Variants in NAV2 observed in about 807,000 individuals in gnomAD.
NAV2 encodes helicase, APC down-regulated 1.
Under a neutral mutation model 223.2 loss-of-function variants are expected in NAV2, and 54 were observed. The ratio of observed to expected loss-of-function variants is 0.24; its 90% CI spans 0.19 to 0.30. NAV2 has a LOEUF of 0.30. NAV2 is among the 10% of genes least tolerant of loss of function. The pLI is 1.00. For synonymous variants in NAV2, 1,279 were observed against 1,239.3 expected (o/e 1.03, Z -0.67); for missense variants, 2,806 against 3,147.5 (o/e 0.89, Z 2.60).
At chr11:19,937,283 A>C (rs1022412330) in intron 7 of NAV2, among the ~76,000 whole-genome samples, 3 of 152,052 alleles carry the variant, frequency 2.0e-5, no homozygotes, top group Non-Finnish European at 4.4e-5. Context: ...AAAATGGTTT[A>C]TTCTCCTTTT....
At chr11:19,466,165 C>A (rs555100226) in intron 1 of NAV2, among the ~76,000 whole-genome samples, 19 of 152,312 alleles carry the variant, frequency 1.2e-4, no homozygotes, top group African/African-American at 4.3e-4. Context: ...GATGGGAAGA[C>A]AGGCAGCATT....
At chr11:19,651,422 A>G (rs1242717902) in intron 1 of NAV2, among the ~76,000 whole-genome samples, 2 of 152,202 alleles carry the variant, frequency 1.3e-5, no homozygotes, top group Non-Finnish European at 2.9e-5. Flanking sequence ...ATGCACATGA[A>G]ACATATAATG....
chr11:19,714,917 G>A (rs974620621), intron 1 of NAV2, among the ~76,000 whole-genome samples: 1 of 152,182 alleles, frequency 6.6e-6, no homozygotes, highest in Admixed American at 6.5e-5. Context: ...GACTTTTGGG[G>A]ACAGGCCGAC....
intron 10 of NAV2, among the ~76,000 whole-genome samples, chr11:19,968,185 T>A (rs1312080913): frequency 2.0e-5 from 3 of 151,962 alleles, no homozygotes; most frequent in Non-Finnish European, 4.4e-5. Flanking sequence ...TTGTTGTTGA[T>A]GTAGTTTTGT....
At chr11:19,968,586 C>T (rs1388567184) in intron 10 of NAV2, among the ~76,000 whole-genome samples, 3 of 152,146 alleles carry the variant, frequency 2.0e-5, no homozygotes, top group Non-Finnish European at 4.4e-5. Flanking sequence ...TATGCAGATC[C>T]TAGGGAATTC....
chr11:19,501,759 T>C (rs1590345741), intron 1 of NAV2, among the ~76,000 whole-genome samples: 1 of 151,892 alleles, frequency 6.6e-6, no homozygotes, highest in Non-Finnish European at 1.5e-5. Context: ...CAGCAGAAAT[T>C]ACTTCATGCA....
intron 1 of NAV2, among the ~76,000 whole-genome samples, chr11:19,632,584 T>A (rs555284382): frequency 1.3e-5 from 2 of 152,318 alleles, no homozygotes; most frequent in Admixed American, 6.5e-5. Flanking sequence ...GTGGTTTTCA[T>A]TGTGGTCAGT....
intron 12 of NAV2, among the ~76,000 whole-genome samples, chr11:20,042,125 A>G (rs2056977268): frequency 6.6e-6 from 1 of 152,166 alleles, no homozygotes; most frequent in South Asian, 2.1e-4. Flanking sequence ...TGGTTGGATG[A>G]ATGTACTGGA....
intron 1 of NAV2, among the ~76,000 whole-genome samples, chr11:19,598,028 T>C (rs915415525): frequency 6.6e-6 from 1 of 152,234 alleles, no homozygotes; most frequent in African/African-American, 2.4e-5. Flanking sequence ...CCCATGCCAA[T>C]GGCATGCCCT....
rs150575670 is a variant in NAV2, at chr11:20,016,261, A to T, written c.2769-19698A>T. Among the ~76,000 whole-genome samples the T allele has an allele frequency of 2.7e-4, 41 of 152,252 alleles. No homozygotes were observed. In the East Asian group the frequency reaches 7.7e-3, roughly 29 times the overall value. ...GTTGGACTGAGGGTGGAAAGTCTGG[A>T]TTTGTGAGTTGAGGCTGAAGATGCT... On this transcript the variant is annotated intron_variant, in intron 11 of 37. Transcript: ENST00000349880.
At chr11:19,872,836 C>T (rs1236562623) in intron 4 of NAV2, among the ~76,000 whole-genome samples, 1 of 152,234 alleles carries the variant, frequency 6.6e-6, no homozygotes, top group Non-Finnish European at 1.5e-5. Context: ...GTTTGGGGAA[C>T]TTCCCTGGAC....
intron 1 of NAV2, among the ~76,000 whole-genome samples, chr11:19,542,562 ACT>A (rs1161516227): frequency 2.6e-5 from 4 of 152,332 alleles, no homozygotes; most frequent in Admixed American, 1.3e-4. Flanking sequence ...TTCCATATAT[ACT>A]GTCTCACTTC....
intron 36 of NAV2, among the ~76,000 whole-genome samples, chr11:20,109,341 A>T (rs1054300191): frequency 6.6e-6 from 1 of 152,234 alleles, no homozygotes; most frequent in Non-Finnish European, 1.5e-5. Flanking sequence ...GCCTAAAATC[A>T]TTGGTTAGCA....
At chr11:19,453,495 CCTGA>C (rs1420471566) in intron 1 of NAV2, among the ~76,000 whole-genome samples, 3 of 152,142 alleles carry the variant, frequency 2.0e-5, no homozygotes, top group Non-Finnish European at 4.4e-5. Context: ...TTAAGGGATC[CCTGA>C]CTATGCTAAC....
At chr11:19,432,557 C>T (rs1221625880) in intron 1 of NAV2, among the ~76,000 whole-genome samples, 1 of 152,144 alleles carries the variant, frequency 6.6e-6, no homozygotes, top group African/African-American at 2.4e-5. Flanking sequence ...GCGTCATGGA[C>T]AGTGAGGAGG....
At position 19,875,893 on chromosome 11, in the gene NAV2, C is replaced by T. The variant is rs369145237; in HGVS notation, c.512-3976C>T. ...CAGAGAGAATGGACCACTTCTTAGG[C>T]TTCCTTTGGGTGAAGAGCTCTGTGG... On this transcript the variant is annotated intron_variant, in intron 4 of 37. Coordinates refer to ENST00000349880, the MANE Select transcript of NAV2 (RefSeq NM_145117.5). 3.6e-4 allele frequency among the ~76,000 whole-genome samples: 55 copies of T among 152,276 alleles called. No individual in the cohort carries two copies. The East Asian group carries it at 7.9e-3, about 22-fold the overall frequency.
chr11:19,760,439 G>T (rs936532795), intron 1 of NAV2, among the ~76,000 whole-genome samples: 1 of 152,204 alleles, frequency 6.6e-6, no homozygotes, highest in African/African-American at 2.4e-5. Context: ...GGCTTCAGGG[G>T]AGAATGCAGG....
At chr11:19,444,445 G>A (rs764573857) in intron 1 of NAV2, among the ~76,000 whole-genome samples, 9 of 152,138 alleles carry the variant, frequency 5.9e-5, no homozygotes, top group Non-Finnish European at 1.3e-4. Context: ...TAGAAGTGAT[G>A]TAATGCCTCT....
At chr11:19,727,025 A>G (rs762601276) in intron 1 of NAV2, among the ~76,000 whole-genome samples, 2 of 152,178 alleles carry the variant, frequency 1.3e-5, no homozygotes, top group African/African-American at 4.8e-5. Context: ...CATAAGACAG[A>G]CTTCCGAAAT....
Sources: allele counts gnomAD v4.1 joint callset (sites outside exome capture counted in the v4.1 genomes callset), GRCh38; gene constraint gnomAD v4.1.1; transcripts MANE v1.5; gene names NCBI Gene and HGNC (gene_info 2026-07-23, HGNC 2026-07-21).